Variants in NIN observed in about 807,000 individuals in gnomAD.
The protein encoded by NIN is ninein.
A neutral mutation model predicts 257.6 loss-of-function variants in NIN; 137 were observed. The ratio of observed to expected loss-of-function variants is 0.53; its 90% confidence interval spans 0.46 to 0.61. NIN has a LOEUF of 0.61. Among genes scored for constraint, NIN ranks in the 20% least tolerant of loss-of-function variants. The pLI, the probability that NIN is intolerant of heterozygous loss-of-function variation, is 0.00. For synonymous variants in NIN, 918 were observed against 919.8 expected (o/e 1.00, Z 0.04); for missense variants, 2,439 against 2,501.2 (o/e 0.98, Z 0.53).
chr14:50,828,040 G>A (rs2146000), intron 2 of NIN, among the ~76,000 whole-genome samples: 146,165 of 150,298 alleles, frequency 0.97, 71,201 homozygotes, highest in East Asian at 1. Context: ...TGTGCATTCA[G>A]TAACCTGTAA....
At chr14:50,748,232 T>C (rs1343579386) in intron 21 of NIN, 127 bp from the exon 22 acceptor site, 1 of 587,392 alleles carries the variant, frequency 1.7e-6, no homozygotes, top group African/African-American at 1.9e-5. Context: ...TTATGACCAT[T>C]TTTTATCGTA....
In NIN at chr14:50,772,397, G is replaced by A. The variant is rs907066349; in HGVS notation, c.885C>T (p.Phe295=). Residue 295 remains phenylalanine (F), a synonymous_variant, in exon 9 of 31, where the codon TTC becomes TTT. Transcript: ENST00000530997. The part of the protein sequence containing the change: ...AMTSTIGFRV[F]SCLDDGMGHA... ...GGCCCATCCCATCATCCAGGCAGGAGAAGACCCGAAAGCCAATGGTACTTG... is the reference window on the plus strand; with the variant it reads ...GGCCCATCCCATCATCCAGGCAGGAAAAGACCCGAAAGCCAATGGTACTTG... 4.3e-6 allele frequency: 7 copies of A among 1,614,206 alleles called. No homozygotes were observed. In the Admixed American group the frequency reaches 1.0e-4, roughly 23 times the overall value.
chr14:50,795,281 A>T (rs2043788904), intron 4 of NIN, among the ~76,000 whole-genome samples: 1 of 152,222 alleles, frequency 6.6e-6, no homozygotes, highest in Non-Finnish European at 1.5e-5. Context: ...CACCTCTAAG[A>T]ATGACACACT....
At position 50,766,761 on chromosome 14, in the gene NIN, G is replaced by A; in HGVS notation, c.1545+19C>T. 1 of 1,534,812 alleles carries A rather than the reference G, an allele frequency of 6.5e-7. No individual in the cohort carries two copies. The highest frequency in any genetic ancestry group is 9.0e-7 in the Non-Finnish European group (1 of 1,108,756). On this transcript the variant is annotated intron_variant, in intron 13 of 30. Transcript: ENST00000530997. ...TAAAGTAGGCTGCCTATCAGGAAAT[G>A]AGATTTGAACAGGTTTACCTTTTCT...
intron 22 of NIN, among the ~76,000 whole-genome samples, chr14:50,746,922 C>T (rs1254841727): frequency 2.0e-5 from 3 of 152,126 alleles, no homozygotes; most frequent in East Asian, 3.8e-4. Flanking sequence ...GGCACAGTAG[C>T]GCAATCTCAG....
intron 4 of NIN, among the ~76,000 whole-genome samples, chr14:50,797,923 G>A (rs1232651160): frequency 6.6e-6 from 1 of 151,058 alleles, no homozygotes; most frequent in Admixed American, 6.6e-5. Flanking sequence ...GGAAAGAGTG[G>A]AGTGGGAGAC....
chr14:50,755,573 C>T (rs2140775172), intron 18 of NIN, among the ~76,000 whole-genome samples: 1 of 144,718 alleles, frequency 6.9e-6, no homozygotes, highest in African/African-American at 2.6e-5. Flanking sequence ...CTCTGCTTTT[C>T]AAGCATATTT....
intron 4 of NIN, among the ~76,000 whole-genome samples, chr14:50,802,366 A>C (rs1337670332): frequency 1.3e-5 from 2 of 152,220 alleles, no homozygotes. Flanking sequence ...GATGCTGAAA[A>C]TAATCTAGTC....
chr14:50,794,985 GGTTT>G (rs1354601632), intron 4 of NIN, among the ~76,000 whole-genome samples: 5 of 151,892 alleles, frequency 3.3e-5, no homozygotes, highest in Non-Finnish European at 7.4e-5. Context: ...GTGGAGTTTT[GGTTT>G]ATTTACTCAT....
rs2042219744 is a variant in NIN, at chr14:50,760,197, T to A, written c.2059A>T (p.Lys687Ter). The change falls in exon 17 of 31, where the codon AAG becomes TAG. Residue 687 changes from lysine (K) to a stop codon, truncating the protein, a stop_gained. Transcript: ENST00000530997. LOFTEE classifies it high-confidence loss of function. ...AELQGQAAVL[K>*]EAHHEATCRH... Reference sequence around the variant, plus strand: ...CAAGTGGCCTCATGATGTGCCTCCTTGAGCACTGCTGCTTGCCCCTGAAGT... The same window carrying A: ...CAAGTGGCCTCATGATGTGCCTCCTAGAGCACTGCTGCTTGCCCCTGAAGT... The A allele has an allele frequency of 6.2e-7, 1 of 1,613,920 alleles. No homozygotes were observed. Among genetic ancestry groups the A allele is most frequent in the South Asian group, 1.1e-5 (1 of 91,092 alleles).
At chr14:50,810,226 G>A (rs1353691975) in intron 3 of NIN, among the ~76,000 whole-genome samples, 10 of 126,872 alleles carry the variant, frequency 7.9e-5, no homozygotes, top group East Asian at 2.4e-4. Context: ...GTGAGACTCC[G>A]TCTCAAAAAA....
intron 7 of NIN, 126 bp downstream of exon 7, chr14:50,776,823 A>T: frequency 1.2e-6 from 1 of 824,490 alleles, no homozygotes; most frequent in Non-Finnish European, 1.9e-6. Context: ...TTCATGAATG[A>T]CTTCTTAGGA....
chr14:50,766,711 C>T (rs1191856377), intron 13 of NIN, 69 bp downstream of exon 13: 6 of 1,078,012 alleles, frequency 5.6e-6, no homozygotes, highest in Non-Finnish European at 5.7e-6. Flanking sequence ...GGTGGCATTG[C>T]TCCTGTTCTT....
chr14:50,728,252 C>G (rs1057313230), intron 29 of NIN, among the ~76,000 whole-genome samples: 2 of 151,984 alleles, frequency 1.3e-5, no homozygotes, highest in African/African-American at 4.8e-5. Flanking sequence ...TTTTGTAGTT[C>G]AATTATATAC....
At chr14:50,741,834 T>G in intron 24 of NIN, 106 bp from the exon 25 acceptor site, 1 of 1,294,832 alleles carries the variant, frequency 7.7e-7, no homozygotes, top group Non-Finnish European at 1.1e-6. Flanking sequence ...TCTGTTTGTT[T>G]CTCTTTACTA....
At chr14:50,822,129 C>T (rs1350479438) in intron 2 of NIN, 52 bp from the exon 3 acceptor site, 14 of 1,327,314 alleles carry the variant, frequency 1.1e-5, no homozygotes, top group South Asian at 3.9e-5. Context: ...TCCAGTCCTA[C>T]CGTGGTCACC....
At position 50,760,801 on chromosome 14, in the gene NIN, T is replaced by C. The variant is rs571748714; in HGVS notation, c.1897-442A>G. ...AATCCTCCCACCTCAGCCTCCTGAG[T>C]AGTTGGGACTAAAGGCACACACCAC... On this transcript the variant is annotated intron_variant, in intron 16 of 30. Transcript: ENST00000530997. 2.6e-5 allele frequency among the ~76,000 whole-genome samples: 4 copies of C among 152,148 alleles called. No individual in the cohort carries two copies. In the East Asian group the frequency reaches 7.7e-4, roughly 29 times the overall value.
chr14:50,782,397 A>C (rs1158870919), intron 5 of NIN, among the ~76,000 whole-genome samples: 1 of 152,248 alleles, frequency 6.6e-6, no homozygotes, highest in Non-Finnish European at 1.5e-5. Flanking sequence ...ACAATCGAGC[A>C]TAAAGTATAA....
rs145389149 is a variant in NIN, at chr14:50,757,260, C to T, written c.3770G>A (p.Arg1257Gln). ...CTCTTCCTGAAGGCAGTCATTTTCT[C>T]GGCTCACATCTTCATACAACAGCTT... ...KYKLLYEDVS[R>Q]ENDCLQEELR... The change falls in exon 18 of 31, where the codon CGA (arginine) becomes CAA (glutamine). Residue 1257 changes from arginine to glutamine, a missense_variant. Around this residue, in one of 3 missense-constraint regions of NIN, gnomAD observed 2,043 missense variants for 2,050.2 expected, o/e 1.00. Coordinates refer to ENST00000530997, the MANE Select transcript of NIN (RefSeq NM_020921.4). The T allele has an allele frequency of 2.2e-5, 35 of 1,613,994 alleles. No homozygotes were observed. The highest frequency in any genetic ancestry group is 2.6e-5 in the Non-Finnish European group (31 of 1,180,034).
Sources: allele counts gnomAD v4.1 joint callset (sites outside exome capture counted in the v4.1 genomes callset), GRCh38; gene constraint gnomAD v4.1.1; regional missense constraint gnomAD v4.1.1; transcripts MANE v1.5; gene names NCBI Gene and HGNC (gene_info 2026-07-23, HGNC 2026-07-21).